The following TFPI variants were observed in gnomAD, a reference collection of about 807,000 sequenced individuals.
The protein encoded by TFPI is tissue factor pathway inhibitor, also known as anti-convertin.
Under a neutral mutation model 34.6 loss-of-function variants are expected in TFPI, and 15 were observed. The ratio of observed to expected loss-of-function variants is 0.43; its 90% CI spans 0.29 to 0.67. TFPI has a LOEUF of 0.67. Among genes scored for constraint, TFPI ranks in the 30% least tolerant of loss-of-function variants. The pLI is 0.15. For synonymous variants in TFPI, 105 were observed against 120.1 expected (o/e 0.87, Z 0.82); for missense variants, 301 against 364.0 (o/e 0.83, Z 1.41).
chr2:187,520,181 G>C (rs1331574388), intron 1 of TFPI, among the ~76,000 whole-genome samples: 8 of 152,070 alleles, frequency 5.3e-5, no homozygotes, highest in African/African-American at 1.9e-4. Context: ...GGCATTCCAG[G>C]CACCACTGGG....
chr2:187,527,843 G>A (rs1396674561), intron 1 of TFPI, among the ~76,000 whole-genome samples: 2 of 152,026 alleles, frequency 1.3e-5, no homozygotes, highest in Non-Finnish European at 2.9e-5. Flanking sequence ...ATAGTGCTAT[G>A]CAGGTACGTT....
intron 1 of TFPI, among the ~76,000 whole-genome samples, chr2:187,509,135 AG>A (rs1422462394): frequency 1.3e-5 from 2 of 152,210 alleles, no homozygotes; most frequent in Non-Finnish European, 2.9e-5. Context: ...GTTGCATCCC[AG>A]GGATGAAGCC....
rs985272833 is a variant in TFPI, at chr2:187,465,716, T to G, written c.*1220A>C. 3 of 137,398 alleles carry G rather than the reference T, an allele frequency of 2.2e-5. No individual in the cohort carries two copies. Among genetic ancestry groups the G allele is most frequent in the East Asian group, 2.0e-4 (1 of 5,038 alleles). 8.5% of individuals were successfully genotyped at this position (137,398 alleles called of 1,614,324 possible). On this transcript the variant is annotated 3_prime_UTR_variant, in exon 8 of 8. Coordinates refer to ENST00000233156, the MANE Select transcript of TFPI (RefSeq NM_006287.6). The stretch of plus-strand genomic sequence containing the variant: ...TTGTTAGCGAGAAGTCATGAAGCTA[T>G]TCATGAAGCTATTCATGAAGCTAGT...
At chr2:187,480,390 T>C (rs377095286) in intron 6 of TFPI, among the ~76,000 whole-genome samples, 6 of 152,246 alleles carry the variant, frequency 3.9e-5, no homozygotes, top group South Asian at 2.1e-4. Flanking sequence ...TTTTGACTGA[T>C]TTAACCTCAC....
At chr2:187,475,533 G>A (rs1692322645) in intron 6 of TFPI, among the ~76,000 whole-genome samples, 2 of 152,196 alleles carry the variant, frequency 1.3e-5, no homozygotes, top group Admixed American at 6.5e-5. Flanking sequence ...TTAATACTTT[G>A]TGCTTTAATT....
intron 6 of TFPI, chr2:187,478,464 T>C (rs1692543147): frequency 1.8e-6 from 1 of 554,184 alleles, no homozygotes; most frequent in Non-Finnish European, 2.7e-6. Flanking sequence ...TGACTTTTTT[T>C]CCATGAATAG....
chr2:187,500,341 ATAACT>A (rs8176598), intron 2 of TFPI, among the ~76,000 whole-genome samples: 2,144 of 152,274 alleles, frequency 0.014, 25 homozygotes, highest in Non-Finnish European at 0.023. Flanking sequence ...AATTAAGTAA[ATAACT>A]TAAATTCATA....
At chr2:187,543,986 G>A (rs991157876) in intron 1 of TFPI, among the ~76,000 whole-genome samples, 1 of 152,120 alleles carries the variant, frequency 6.6e-6, no homozygotes, top group Admixed American at 6.6e-5. Flanking sequence ...GGAAAAACCT[G>A]GTTCCTTGTT....
At chr2:187,551,178 G>C (rs1689083386) in intron 1 of TFPI, among the ~76,000 whole-genome samples, 1 of 152,000 alleles carries the variant, frequency 6.6e-6, no homozygotes, top group Non-Finnish European at 1.5e-5. Flanking sequence ...CATATTGACT[G>C]GGTAATTCCT....
At chr2:187,488,223 GAA>G in intron 4 of TFPI, 112 bp downstream of exon 4, 4 of 728,316 alleles carry the variant, frequency 5.5e-6, no homozygotes. Context: ...CTTAAGAATT[GAA>G]TATCTATACT....
intron 1 of TFPI, among the ~76,000 whole-genome samples, chr2:187,504,414 G>T (rs1009926218): frequency 6.6e-6 from 1 of 151,918 alleles, no homozygotes; most frequent in Non-Finnish European, 1.5e-5. Context: ...TCATTATTCC[G>T]CAGTTTAGGG....
At position 187,466,908 on chromosome 2, in the gene TFPI, G is replaced by T; in HGVS notation, c.*28C>A. On this transcript the variant is annotated 3_prime_UTR_variant, in exon 8 of 8. Transcript: ENST00000233156. ...AACATTTCATATAAAATATTTAGTA[G>T]AATTAATGTTACATTGCTATAACAA... 1 of 1,195,656 alleles carries T rather than the reference G, an allele frequency of 8.4e-7. No individual in the cohort carries two copies. The highest frequency in any genetic ancestry group is 1.2e-6 in the Non-Finnish European group (1 of 834,148). The allele number at this position is 1,195,656 out of a possible 1,614,324, so 74.1% of individuals were successfully genotyped here. A position where few individuals can be genotyped will look rare whatever the true frequency, so the allele number is the denominator to read the frequency against.
chr2:187,488,923 G>A lies in TFPI; in HGVS notation c.320-548C>T, dbSNP rs887901679. On this transcript the variant is annotated intron_variant, in intron 3 of 7. Transcript: ENST00000233156. ...TTGTTTGGTTTAACATTTGATTAAC[G>A]GAATCATTTCCCTCTAAAACTGGAA... Among the ~76,000 whole-genome samples the A allele has an allele frequency of 8.6e-5, 13 of 151,502 alleles. No homozygotes were observed. The South Asian group carries it at 2.3e-3, about 27-fold the overall frequency.
intron 1 of TFPI, among the ~76,000 whole-genome samples, chr2:187,539,506 C>G (rs1348682053): frequency 6.6e-6 from 1 of 152,108 alleles, no homozygotes; most frequent in Non-Finnish European, 1.5e-5. Context: ...GGCTATTAAG[C>G]CTATTTGTGT....
intron 6 of TFPI, among the ~76,000 whole-genome samples, chr2:187,475,600 T>C (rs1224998735): frequency 6.6e-6 from 1 of 152,146 alleles, no homozygotes; most frequent in African/African-American, 2.4e-5. Context: ...TCCAAAAGTT[T>C]TGAGATACTT....
chr2:187,483,996 C>T (rs1313003418), intron 6 of TFPI, 128 bp downstream of exon 6: 1 of 748,600 alleles, frequency 1.3e-6, no homozygotes, highest in East Asian at 2.8e-5. Context: ...AGTATTTCAA[C>T]AAACACATTA....
At chr2:187,530,619 T>C (rs191428687) in intron 1 of TFPI, among the ~76,000 whole-genome samples, 182 of 152,334 alleles carry the variant, frequency 1.2e-3, no homozygotes, top group African/African-American at 4.1e-3. Context: ...AATAACTTGA[T>C]GGTTACGTTC....
chr2:187,497,111 A>C (rs1412509157), intron 2 of TFPI, 33 bp from the exon 3 acceptor site: 2 of 1,558,784 alleles, frequency 1.3e-6, no homozygotes, highest in Admixed American at 3.5e-5. Context: ...ATAACATGTA[A>C]TCTCCATCAA....
rs1691613028 is a variant in TFPI, at chr2:187,464,244, A to G, written c.*2692T>C. 1 of 152,144 alleles carries G rather than the reference A, an allele frequency of 6.6e-6. No individual in the cohort carries two copies. Among genetic ancestry groups the G allele is most frequent in the Non-Finnish European group, 1.5e-5 (1 of 68,008 alleles). 9.4% of individuals were successfully genotyped at this position (152,144 alleles called of 1,614,324 possible). On this transcript the variant is annotated 3_prime_UTR_variant, in exon 8 of 8. Coordinates refer to ENST00000233156, the MANE Select transcript of TFPI (RefSeq NM_006287.6). Reference sequence around the variant, plus strand: ...CAACAGCCAGGTTTCATTATTCAGAATAATATATTTTACTTCTTATAATGT... The same window carrying G: ...CAACAGCCAGGTTTCATTATTCAGAGTAATATATTTTACTTCTTATAATGT...
Sources: allele counts gnomAD v4.1 joint callset (sites outside exome capture counted in the v4.1 genomes callset), GRCh38; gene constraint gnomAD v4.1.1; transcripts MANE v1.5; gene names NCBI Gene and HGNC (gene_info 2026-07-23, HGNC 2026-07-21).